Variants in MAP3K13 observed in about 807,000 individuals in gnomAD.
MAP3K13 encodes the protein leucine zipper-bearing kinase.
A neutral mutation model predicts 104.0 loss-of-function variants in MAP3K13; 52 were observed. The observed-to-expected ratio is 0.50, with a 90% CI of 0.40 to 0.63. The LOEUF is 0.63. MAP3K13 is among the 20% of genes least tolerant of loss of function. The pLI, the probability that MAP3K13 is intolerant of heterozygous loss-of-function variation, is 0.00. For missense variants in MAP3K13, 914 were observed against 1,218.5 expected, an observed-to-expected ratio of 0.75 and a Z score of 3.72; for synonymous variants, 394 against 442.2, an observed-to-expected ratio of 0.89 and a Z score of 1.37.
intron 2 of MAP3K13, among the ~76,000 whole-genome samples, chr3:185,340,097 T>A (rs1722665734): frequency 6.6e-6 from 1 of 152,144 alleles, no homozygotes; most frequent in Non-Finnish European, 1.5e-5. Context: ...TAAAAATGTT[T>A]TAGGTCTTGT....
At chr3:185,453,424 G>A (rs887795958) in intron 7 of MAP3K13, among the ~76,000 whole-genome samples, 9 of 152,128 alleles carry the variant, frequency 5.9e-5, no homozygotes, top group Non-Finnish European at 8.8e-5. Flanking sequence ...CCTGAAGGGC[G>A]ATGAGTTTAC....
rs144650113 is a variant in MAP3K13, at chr3:185,315,380, C to T, written c.-86+29737C>T. Among the ~76,000 whole-genome samples, 78 of 152,224 alleles carry T rather than the reference C, an allele frequency of 5.1e-4. No homozygotes were observed. The highest frequency in any genetic ancestry group is 1.9e-3 in the African/African-American group (78 of 41,548). On this transcript the variant is annotated intron_variant, in intron 2 of 14. Coordinates refer to the MAP3K13 transcript ENST00000424227. The surrounding 1 kb of genome is among the most constrained non-coding windows in gnomAD (Gnocchi z 4.3). ...GAGAATGTATGTGTGTATGTCTTAACAAAAACAGATTGCTGGGTTCTACCC... is the reference window on the plus strand; with the variant it reads ...GAGAATGTATGTGTGTATGTCTTAATAAAAACAGATTGCTGGGTTCTACCC...
chr3:185,409,499 G>T (rs1180692767), intron 1 of MAP3K13, among the ~76,000 whole-genome samples: 2 of 152,088 alleles, frequency 1.3e-5, no homozygotes, highest in Non-Finnish European at 2.9e-5. Context: ...CGCTGGCAAG[G>T]ATGCATAGAA....
At position 185,455,845 on chromosome 3, in the gene MAP3K13, G is replaced by T. The variant is rs1195816419; in HGVS notation, c.1278+4450G>T. Among the ~76,000 whole-genome samples the T allele has an allele frequency of 3.7e-4, 33 of 88,252 alleles. No individual in the cohort carries two copies. The South Asian group carries it at 8.8e-3, about 23-fold the overall frequency. The allele number at this position is 88,252 out of a possible 152,430, so 57.9% of individuals were successfully genotyped here. A position where few individuals can be genotyped will look rare whatever the true frequency, so the allele number is the denominator to read the frequency against. On this transcript the variant is annotated intron_variant, in intron 7 of 13. Transcript: ENST00000265026. ...AGATATATATGAGATATATATATGA[G>T]ATATATATGAGATATATATGAGATA...
At chr3:185,286,380 G>A (rs1288624978) in intron 2 of MAP3K13, among the ~76,000 whole-genome samples, 1 of 151,692 alleles carries the variant, frequency 6.6e-6, no homozygotes, top group Non-Finnish European at 1.5e-5. Context: ...TTCTTGTTTA[G>A]AATTTGTTTA....
At chr3:185,458,239 T>G (rs1716879977) in intron 7 of MAP3K13, among the ~76,000 whole-genome samples, 1 of 151,596 alleles carries the variant, frequency 6.6e-6, no homozygotes. Context: ...TGTGGTGTAA[T>G]CACCTGTAAT....
At chr3:185,307,115 T>G (rs1389072574) in intron 2 of MAP3K13, among the ~76,000 whole-genome samples, 1 of 152,218 alleles carries the variant, frequency 6.6e-6, no homozygotes, top group Non-Finnish European at 1.5e-5. Flanking sequence ...TTCAAGATTC[T>G]TTGTGTCTGG....
At chr3:185,361,982 T>C (rs1162556274), upstream of MAP3K13, among the ~76,000 whole-genome samples, 1 of 152,250 alleles carries the variant, frequency 6.6e-6, no homozygotes, top group Admixed American at 6.5e-5. Context: ...TGTGCAATAC[T>C]TACTAGTGGT....
chr3:185,314,680 GC>G (rs1721613687), intron 2 of MAP3K13, among the ~76,000 whole-genome samples: 1 of 152,006 alleles, frequency 6.6e-6, no homozygotes, highest in Non-Finnish European at 1.5e-5. Flanking sequence ...GTACAGTGCT[GC>G]AATCATTAGC....
chr3:185,429,000 CTGTA>C lies in MAP3K13; in HGVS notation c.422_425del (p.Val141GlyfsTer56). 6.2e-7 allele frequency: 1 copy of C among 1,614,130 alleles called. No individual in the cohort carries two copies. The highest frequency in any genetic ancestry group is 8.5e-7 in the Non-Finnish European group (1 of 1,180,024). ...GAAGGACTATTTGGATGCTTAAGGC[CTGTA>C]TGGAATATCATTGGGAAGGCATATT... On this transcript the variant is annotated frameshift_variant, in exon 2 of 14. Transcript: ENST00000265026. LOFTEE classifies it high-confidence loss of function.
At chr3:185,311,364 G>T (rs933486350) in intron 2 of MAP3K13, among the ~76,000 whole-genome samples, 1 of 152,136 alleles carries the variant, frequency 6.6e-6, no homozygotes, top group Non-Finnish European at 1.5e-5. Flanking sequence ...AAACCCATCA[G>T]ATCTCATAAG....
intron 2 of MAP3K13, among the ~76,000 whole-genome samples, chr3:185,334,759 C>T (rs968996736): frequency 6.6e-6 from 1 of 152,088 alleles, no homozygotes; most frequent in Non-Finnish European, 1.5e-5. Flanking sequence ...CAGGTGAGTG[C>T]CACCACACGT....
intron 10 of MAP3K13, among the ~76,000 whole-genome samples, chr3:185,472,205 CTTTTT>C (rs568380003): frequency 3.4e-5 from 4 of 118,628 alleles, no homozygotes; most frequent in African/African-American, 6.3e-5. Flanking sequence ...ATCCCTTCTT[CTTTTT>C]TTTTTTTTTT....
intron 7 of MAP3K13, among the ~76,000 whole-genome samples, chr3:185,456,093 C>G (rs985106279): frequency 3.3e-5 from 5 of 150,682 alleles, no homozygotes; most frequent in Admixed American, 6.7e-5. Flanking sequence ...CACAGAGAGA[C>G]ACTCTGCCTG....
chr3:185,341,017 A>G (rs1337764527), intron 2 of MAP3K13, among the ~76,000 whole-genome samples: 1 of 126,404 alleles, frequency 7.9e-6, no homozygotes, highest in Non-Finnish European at 1.7e-5. Context: ...CTAATGTAAT[A>G]CTTTATTTCC....
At chr3:185,419,793 T>C (rs545395833) in intron 1 of MAP3K13, among the ~76,000 whole-genome samples, 2 of 152,274 alleles carry the variant, frequency 1.3e-5, no homozygotes, top group Middle Eastern at 3.4e-3. Context: ...TATGATATGA[T>C]TTATGGATAA....
upstream of MAP3K13, among the ~76,000 whole-genome samples, chr3:185,362,789 G>A (rs1340083358): frequency 6.6e-6 from 1 of 152,122 alleles, no homozygotes; most frequent in Non-Finnish European, 1.5e-5. Flanking sequence ...AGTAAGAAAA[G>A]GGTTGAAGAA....
intron 1 of MAP3K13, among the ~76,000 whole-genome samples, chr3:185,380,761 T>A (rs537218654): frequency 6.6e-6 from 1 of 152,220 alleles, no homozygotes; most frequent in Non-Finnish European, 1.5e-5. Context: ...TGTCAACATT[T>A]CTAATTAGCT....
At chr3:185,359,188 G>A (rs1380957025), upstream of MAP3K13, among the ~76,000 whole-genome samples, 4 of 152,094 alleles carry the variant, frequency 2.6e-5, no homozygotes, top group Non-Finnish European at 5.9e-5. Flanking sequence ...TATCTTACAC[G>A]GACGGCAGCA....
Sources: allele counts gnomAD v4.1 joint callset (sites outside exome capture counted in the v4.1 genomes callset), GRCh38; gene constraint gnomAD v4.1.1; non-coding constraint Gnocchi (gnomAD v3.1); transcripts MANE v1.5; gene names NCBI Gene and HGNC (gene_info 2026-07-23, HGNC 2026-07-21).